AKAP19: variants seen among roughly 807,000 people sequenced by gnomAD.
AKAP19 encodes small A-kinase anchoring protein.
the AKAP19 span, among the ~76,000 whole-genome samples, chr2:189,992,692 T>A: frequency 2.3e-4 from 35 of 152,338 alleles, no homozygotes; most frequent in African/African-American, 6.3e-4. Context: ...CACTGATGAT[T>A]TCTTTCAGCA....
chr2:190,053,127 T>C, the AKAP19 span, among the ~76,000 whole-genome samples: 1 of 152,222 alleles, frequency 6.6e-6, no homozygotes, highest in Admixed American at 6.5e-5. Context: ...TCTTGCATCA[T>C]TGCCAAACTA....
At chr2:190,149,465 T>C in the AKAP19 span, among the ~76,000 whole-genome samples, 1 of 152,240 alleles carries the variant, frequency 6.6e-6, no homozygotes, top group East Asian at 1.9e-4. Context: ...CTTAGGGCTA[T>C]GAACTTTCCT....
At chr2:190,142,557 C>T in the AKAP19 span, among the ~76,000 whole-genome samples, 22 of 152,336 alleles carry the variant, frequency 1.4e-4, no homozygotes, top group Admixed American at 1.2e-3. Flanking sequence ...CTCTTTGGAG[C>T]TTCTCTGGAC....
At chr2:190,089,329 A>T in the AKAP19 span, among the ~76,000 whole-genome samples, 1 of 152,128 alleles carries the variant, frequency 6.6e-6, no homozygotes, top group South Asian at 2.1e-4. Context: ...TCAGAAAAAT[A>T]TATTTTATTT....
At chr2:190,006,120 A>G in the AKAP19 span, among the ~76,000 whole-genome samples, 2 of 152,258 alleles carry the variant, frequency 1.3e-5, no homozygotes, top group African/African-American at 2.4e-5. Flanking sequence ...ATAACACAGT[A>G]TTCTTATCAT....
the AKAP19 span, among the ~76,000 whole-genome samples, chr2:190,018,748 A>C: frequency 1.3e-5 from 2 of 152,220 alleles, no homozygotes; most frequent in South Asian, 4.1e-4. Flanking sequence ...ACATTTGAGG[A>C]GACACTCACC....
the AKAP19 span, among the ~76,000 whole-genome samples, chr2:189,903,262 A>G: frequency 6.6e-6 from 1 of 151,990 alleles, no homozygotes; most frequent in South Asian, 2.1e-4. Flanking sequence ...ACTGGTTGAA[A>G]AACCAAAATA....
the AKAP19 span, chr2:190,062,347 C>T: frequency 1.1e-5 from 18 of 1,613,254 alleles, 1 homozygote; most frequent in South Asian, 2.2e-5. Flanking sequence ...AGTGGAGGAG[C>T]TTTGGGTAAA....
the AKAP19 span, among the ~76,000 whole-genome samples, chr2:190,141,118 A>G: frequency 6.6e-6 from 1 of 152,194 alleles, no homozygotes; most frequent in East Asian, 1.9e-4. Context: ...TGTCCATATC[A>G]CTATCAGTAT....
the AKAP19 span, among the ~76,000 whole-genome samples, chr2:190,004,351 A>C: frequency 6.6e-6 from 1 of 152,160 alleles, no homozygotes; most frequent in African/African-American, 2.4e-5. Flanking sequence ...AATATGTCAG[A>C]TATTATCTGT....
At chr2:189,942,839 C>G in the AKAP19 span, among the ~76,000 whole-genome samples, 1 of 152,168 alleles carries the variant, frequency 6.6e-6, no homozygotes, top group African/African-American at 2.4e-5. Flanking sequence ...TTTAGGGTAT[C>G]TGGGAGAAGA....
At chr2:189,974,652 A>G in the AKAP19 span, among the ~76,000 whole-genome samples, 1 of 152,198 alleles carries the variant, frequency 6.6e-6, no homozygotes, top group African/African-American at 2.4e-5. Context: ...GACTTGCTTT[A>G]TGAATCTGGG....
the AKAP19 span, among the ~76,000 whole-genome samples, chr2:190,101,716 A>G: frequency 6.6e-6 from 1 of 152,162 alleles, no homozygotes; most frequent in African/African-American, 2.4e-5. Flanking sequence ...AAAAGACTAT[A>G]AAAAGACTTA....
chr2:190,000,046 A>G, the AKAP19 span, among the ~76,000 whole-genome samples: 1 of 152,232 alleles, frequency 6.6e-6, no homozygotes, highest in Non-Finnish European at 1.5e-5. Context: ...TTCTAGCAGT[A>G]CAGGAACTAA....
At chr2:190,081,447 C>T in the AKAP19 span, among the ~76,000 whole-genome samples, 1,358 of 152,212 alleles carry the variant, frequency 8.9e-3, 28 homozygotes, top group African/African-American at 0.03. Context: ...TTTGTGGGCT[C>T]ATTCTTTTCC....
the AKAP19 span, among the ~76,000 whole-genome samples, chr2:190,135,648 G>A: frequency 6.6e-6 from 1 of 152,060 alleles, no homozygotes; most frequent in Non-Finnish European, 1.5e-5. Context: ...TGTTACCTTG[G>A]GCAGATCATA....
At chr2:190,125,800 A>G in the AKAP19 span, among the ~76,000 whole-genome samples, 7 of 152,140 alleles carry the variant, frequency 4.6e-5, no homozygotes, top group African/African-American at 1.7e-4. Context: ...ACCATACTTA[A>G]TTAGGTTTTG....
chr2:189,981,615 T>C, the AKAP19 span, among the ~76,000 whole-genome samples: 3 of 152,362 alleles, frequency 2.0e-5, no homozygotes, highest in East Asian at 5.8e-4. Context: ...TTTGCACTTA[T>C]GTGTGCTTTT....
the AKAP19 span, among the ~76,000 whole-genome samples, chr2:190,140,377 C>T: frequency 2.6e-5 from 4 of 152,198 alleles, no homozygotes; most frequent in African/African-American, 4.8e-5. Context: ...TGGGGGCTCC[C>T]ACACCACATT....
Sources: gnomAD v4.1 joint callset for allele counts (sites outside exome capture counted in the v4.1 genomes callset) on GRCh38, gnomAD v4.1.1 for gene constraint, MANE v1.5 for transcripts, NCBI Gene and HGNC (gene_info 2026-07-23, HGNC 2026-07-21) for gene names.